Variants in KCNK10 observed in about 807,000 individuals in gnomAD.
KCNK10 encodes the protein potassium two pore domain channel subfamily K member 10, also known as potassium channel subfamily K member 10.
KCNK10 carries 25 observed loss-of-function variants against 47.7 expected under a neutral mutation model. That is an observed-to-expected ratio of 0.52 (90% confidence interval 0.38 to 0.73). KCNK10 has a LOEUF of 0.73. Among genes scored for constraint, KCNK10 ranks in the 30% least tolerant of loss-of-function variants. The probability of loss-of-function intolerance (pLI) is 0.00; values close to 1 mark genes in which losing one functional copy is unlikely to be tolerated. For synonymous variants in KCNK10, 303 were observed against 285.6 expected (o/e 1.06, Z -0.61); for missense variants, 563 against 714.5 (o/e 0.79, Z 2.42).
chr14:88,198,075 G>A (rs969076977), intron 4 of KCNK10, among the ~76,000 whole-genome samples: 11 of 152,140 alleles, frequency 7.2e-5, no homozygotes, highest in Non-Finnish European at 2.9e-5. Flanking sequence ...ACCTGGGAGA[G>A]AAGAAAGGAA....
chr14:88,258,989 G>A (rs1162515999), intron 2 of KCNK10, among the ~76,000 whole-genome samples: 1 of 152,188 alleles, frequency 6.6e-6, no homozygotes, highest in African/African-American at 2.4e-5. Context: ...GAGACATGAT[G>A]AAATAAATAC....
chr14:88,326,185 C>CA (rs200137537), upstream of KCNK10, among the ~76,000 whole-genome samples: 1,129 of 130,976 alleles, frequency 8.6e-3, 39 homozygotes, highest in African/African-American at 0.031. Context: ...TTACCCGCCC[C>CA]CCCCCAAAAA....
At chr14:88,218,972 G>A (rs182534175) in intron 4 of KCNK10, among the ~76,000 whole-genome samples, 1 of 152,138 alleles carries the variant, frequency 6.6e-6, no homozygotes, top group Non-Finnish European at 1.5e-5. Flanking sequence ...TGGTTTCATG[G>A]TGTAGATTAA....
chr14:88,303,786 T>C (rs1479594869), intron 1 of KCNK10, among the ~76,000 whole-genome samples: 1 of 151,600 alleles, frequency 6.6e-6, no homozygotes, highest in Admixed American at 6.6e-5. Context: ...AATTGCTTCT[T>C]TTTTTTATCA....
chr14:88,282,993 GTC>G (rs1887683765), intron 1 of KCNK10, among the ~76,000 whole-genome samples: 1 of 152,152 alleles, frequency 6.6e-6, no homozygotes, highest in African/African-American at 2.4e-5. Context: ...TCAAACTGTG[GTC>G]TCTCTGCAAT....
chr14:88,205,625 AC>A (rs1885247637), intron 4 of KCNK10, among the ~76,000 whole-genome samples: 2 of 146,304 alleles, frequency 1.4e-5, no homozygotes, highest in African/African-American at 5.1e-5. Flanking sequence ...GCTCACTGCA[AC>A]CTCTGCCTCC....
chr14:88,236,042 G>T (rs372464954), intron 3 of KCNK10, among the ~76,000 whole-genome samples: 2 of 152,194 alleles, frequency 1.3e-5, no homozygotes, highest in Admixed American at 6.5e-5. Flanking sequence ...AAAGCCAGGC[G>T]TGGTGGCTCA....
intron 4 of KCNK10, among the ~76,000 whole-genome samples, chr14:88,212,716 CA>C (rs1885500957): frequency 6.6e-6 from 1 of 152,220 alleles, no homozygotes; most frequent in Non-Finnish European, 1.5e-5. Context: ...TAAAACTCAG[CA>C]GTAAACTTCC....
chr14:88,208,968 C>T (rs750567582), intron 4 of KCNK10, among the ~76,000 whole-genome samples: 19 of 152,012 alleles, frequency 1.2e-4, no homozygotes, highest in Non-Finnish European at 2.8e-4. Context: ...TCCCCAGGCT[C>T]GTATAGAAAG....
At chr14:88,326,431 A>G (rs1171493735), upstream of KCNK10, 1 of 1,613,658 alleles carries the variant, frequency 6.2e-7, no homozygotes. Context: ...AAGGAAAGAA[A>G]GAAGTCTGTG....
intron 4 of KCNK10, among the ~76,000 whole-genome samples, chr14:88,225,399 T>A (rs114964492): frequency 0.018 from 2,744 of 151,428 alleles, 72 homozygotes; most frequent in African/African-American, 0.064. Flanking sequence ...ACAATCAGCA[T>A]AAAGATGAAA....
At chr14:88,294,932 A>C (rs1041478231) in intron 1 of KCNK10, among the ~76,000 whole-genome samples, 1 of 152,222 alleles carries the variant, frequency 6.6e-6, no homozygotes, top group Non-Finnish European at 1.5e-5. Context: ...TACATTCATG[A>C]ATATTCTAAT....
intron 1 of KCNK10, among the ~76,000 whole-genome samples, chr14:88,302,745 A>G (rs1888129199): frequency 6.6e-6 from 1 of 152,148 alleles, no homozygotes; most frequent in South Asian, 2.1e-4. Context: ...AATAAAACCC[A>G]GAGGAAATGA....
chr14:88,241,082 T>C (rs72687875), intron 2 of KCNK10, among the ~76,000 whole-genome samples: 1 of 152,316 alleles, frequency 6.6e-6, no homozygotes, highest in Non-Finnish European at 1.5e-5. Flanking sequence ...CTTGCAGGCA[T>C]GGGGTGGCCC....
chr14:88,319,315 T>C (rs1888495102), intron 1 of KCNK10, among the ~76,000 whole-genome samples: 1 of 152,202 alleles, frequency 6.6e-6, no homozygotes. Context: ...AAAAACATTA[T>C]AATTACAACT....
intron 4 of KCNK10, among the ~76,000 whole-genome samples, chr14:88,193,755 C>T (rs1328497172): frequency 2.6e-5 from 4 of 152,138 alleles, no homozygotes; most frequent in Admixed American, 6.5e-5. Context: ...ACTAATGAGC[C>T]GAGATTAGAA....
chr14:88,239,790 C>T (rs967961162), intron 3 of KCNK10, among the ~76,000 whole-genome samples: 10 of 151,706 alleles, frequency 6.6e-5, no homozygotes, highest in Non-Finnish European at 2.9e-5. Context: ...ACCCGTGAGG[C>T]GGAGGTTGCA....
Position 88,182,568 on chromosome 14 carries a change from A to G in KCNK10, c.*2967T>C, listed in dbSNP as rs1226538014. On this transcript the variant is annotated 3_prime_UTR_variant, in exon 7 of 7. Coordinates refer to ENST00000319231, the MANE Select transcript of KCNK10 (RefSeq NM_138317.3). ...ATAGGTTTCTAAACACTTTGCACAC[A>G]TATTTAATCGATCAATCACCATAGA... 1 of 152,310 alleles carries G rather than the reference A, an allele frequency of 6.6e-6. No homozygotes were observed. Among genetic ancestry groups the G allele is most frequent in the East Asian group, 1.9e-4 (1 of 5,320 alleles). 9.4% of individuals were successfully genotyped at this position (152,310 alleles called of 1,614,324 possible).
chr14:88,272,204 T>C (rs1184871933), intron 1 of KCNK10, among the ~76,000 whole-genome samples: 3 of 152,112 alleles, frequency 2.0e-5, no homozygotes, highest in African/African-American at 7.2e-5. Flanking sequence ...GTACGGCATG[T>C]TGCTCAATGC....
Sources: gnomAD v4.1 joint callset for allele counts (sites outside exome capture counted in the v4.1 genomes callset) on GRCh38, gnomAD v4.1.1 for gene constraint, MANE v1.5 for transcripts, NCBI Gene and HGNC (gene_info 2026-07-23, HGNC 2026-07-21) for gene names.